The following CACNB4 variants were observed in gnomAD, a reference collection of about 807,000 sequenced individuals.
The protein encoded by CACNB4 is voltage-dependent L-type calcium channel subunit beta-4.
In CACNB4, 32 loss-of-function variants were observed where a neutral mutation model predicts 71.2. That is an observed-to-expected ratio of 0.45 (90% CI 0.34 to 0.60). The LOEUF is 0.60. Among genes scored for constraint, CACNB4 ranks in the 20% least tolerant of loss-of-function variants. The pLI is 0.01. For missense variants in CACNB4, 464 were observed against 647.9 expected, an observed-to-expected ratio of 0.72 and a Z score of 3.08; for synonymous variants, 231 against 236.9, an observed-to-expected ratio of 0.97 and a Z score of 0.23.
chr2:152,075,729 A>G (rs888214269), intron 2 of CACNB4, among the ~76,000 whole-genome samples: 7 of 152,188 alleles, frequency 4.6e-5, no homozygotes, highest in African/African-American at 7.2e-5. Context: ...CCAGAGCCCA[A>G]TAAGTCTTTG....
intron 2 of CACNB4, among the ~76,000 whole-genome samples, chr2:151,911,576 C>A (rs1366615879): frequency 6.6e-6 from 1 of 152,166 alleles, no homozygotes; most frequent in Admixed American, 6.5e-5. Context: ...ATTCAGTTTG[C>A]CAGTATTTTA....
Position 151,954,894 on chromosome 2 carries a change from T to C in CACNB4, c.148-71524A>G, listed in dbSNP as rs1371039852. On this transcript the variant is annotated intron_variant, in intron 2 of 13. Coordinates refer to ENST00000539935, the MANE Select transcript of CACNB4 (RefSeq NM_000726.5). ...TTTGAGATGGAGTCTCGCTCTGTTGTCTGGGCTGGAGTGCAGTGGGGCGAT... is the reference window on the plus strand; with the variant it reads ...TTTGAGATGGAGTCTCGCTCTGTTGCCTGGGCTGGAGTGCAGTGGGGCGAT... Among the ~76,000 whole-genome samples, 11 of 148,008 alleles carry C rather than the reference T, an allele frequency of 7.4e-5. No individual in the cohort carries two copies. In the South Asian group the frequency reaches 1.3e-3, roughly 18 times the overall value.
intron 2 of CACNB4, among the ~76,000 whole-genome samples, chr2:151,946,816 T>G (rs2099865724): frequency 6.6e-6 from 1 of 152,144 alleles, no homozygotes; most frequent in Non-Finnish European, 1.5e-5. Context: ...TTCATCAAAT[T>G]TCATACAAAT....
intron 2 of CACNB4, among the ~76,000 whole-genome samples, chr2:152,095,797 A>G (rs1391794698): frequency 1.3e-5 from 2 of 152,050 alleles, no homozygotes; most frequent in African/African-American, 4.8e-5. Flanking sequence ...GATTACAAGC[A>G]CACACCACCA....
intron 2 of CACNB4, among the ~76,000 whole-genome samples, chr2:152,045,461 C>T (rs1257262178): frequency 1.3e-5 from 2 of 152,110 alleles, no homozygotes; most frequent in Non-Finnish European, 2.9e-5. Context: ...ATATGAGCTA[C>T]CTACAGTAGT....
At chr2:152,027,972 A>C (rs977202660) in intron 2 of CACNB4, among the ~76,000 whole-genome samples, 4 of 152,042 alleles carry the variant, frequency 2.6e-5, no homozygotes, top group Admixed American at 1.3e-4. Flanking sequence ...TGTGAGTAAC[A>C]GATCTTTTTA....
intron 2 of CACNB4, among the ~76,000 whole-genome samples, chr2:151,976,909 C>T (rs932844762): frequency 6.6e-6 from 1 of 152,154 alleles, no homozygotes; most frequent in Non-Finnish European, 1.5e-5. Flanking sequence ...TTCCTAGGGC[C>T]AAATTTCACA....
intron 6 of CACNB4, chr2:151,871,400 A>G (rs2099844593): frequency 6.5e-6 from 1 of 153,030 alleles, no homozygotes; most frequent in Admixed American, 6.5e-5. Flanking sequence ...TACATTTATA[A>G]CCAGTTATTC....
At chr2:152,089,784 A>G (rs1322011251) in intron 2 of CACNB4, among the ~76,000 whole-genome samples, 1 of 151,172 alleles carries the variant, frequency 6.6e-6, no homozygotes, top group African/African-American at 2.4e-5. Flanking sequence ...GTAAAAAAAA[A>G]GAAAAAAAAA....
chr2:151,996,362 C>T (rs780317842), intron 2 of CACNB4, among the ~76,000 whole-genome samples: 17 of 151,844 alleles, frequency 1.1e-4, no homozygotes, highest in Non-Finnish European at 2.5e-4. Context: ...AGAGTGAGAC[C>T]CCCTCAAGAG....
intron 2 of CACNB4, among the ~76,000 whole-genome samples, chr2:151,956,455 T>C (rs920593353): frequency 2.0e-5 from 3 of 152,250 alleles, no homozygotes; most frequent in Non-Finnish European, 4.4e-5. Flanking sequence ...CTGTCTATTG[T>C]GTGGTTCCCA....
intron 2 of CACNB4, among the ~76,000 whole-genome samples, chr2:151,996,478 TA>T (rs58787133): frequency 0.35 from 47,586 of 136,258 alleles, 7,837 homozygotes; most frequent in Middle Eastern, 0.48. Context: ...CCCTGTCTCT[TA>T]AAAAAAAAAA....
chr2:152,028,892 T>C (rs1684114026), intron 2 of CACNB4, among the ~76,000 whole-genome samples: 1 of 152,238 alleles, frequency 6.6e-6, no homozygotes, highest in Non-Finnish European at 1.5e-5. Flanking sequence ...AGAAAGTATT[T>C]GTCCAAGAAA....
At chr2:151,915,293 AGTCTTGGGACCAAGCT>A (rs1220116800) in intron 2 of CACNB4, among the ~76,000 whole-genome samples, 3 of 152,188 alleles carry the variant, frequency 2.0e-5, no homozygotes, top group Non-Finnish European at 4.4e-5. Context: ...TGTGGGGACA[AGTCTTGGGACCAAGCT>A]GTCCAGCCTC....
At chr2:151,910,665 T>C (rs1018254013) in intron 2 of CACNB4, among the ~76,000 whole-genome samples, 1 of 152,198 alleles carries the variant, frequency 6.6e-6, no homozygotes, top group Non-Finnish European at 1.5e-5. Flanking sequence ...ATACGTCTGT[T>C]TTGGTACCAG....
At chr2:151,840,974 T>G (rs1002554418) in intron 13 of CACNB4, among the ~76,000 whole-genome samples, 3 of 152,198 alleles carry the variant, frequency 2.0e-5, no homozygotes, top group Non-Finnish European at 2.9e-5. Context: ...TCTCTACCTC[T>G]GAGTGCAATA....
chr2:151,894,224 A>T (rs148430131), intron 2 of CACNB4, among the ~76,000 whole-genome samples: 266 of 152,354 alleles, frequency 1.7e-3, no homozygotes, highest in African/African-American at 6.2e-3. Flanking sequence ...CCAACATATC[A>T]AATATCACGT....
At chr2:151,874,155 T>A (rs767851707) in intron 5 of CACNB4, 1 of 152,120 alleles carries the variant, frequency 6.6e-6, no homozygotes, top group African/African-American at 2.4e-5. Flanking sequence ...CTTTTCCTCA[T>A]AAGTTCTCCA....
At chr2:152,089,658 G>A (rs1579279036) in intron 2 of CACNB4, among the ~76,000 whole-genome samples, 1 of 152,136 alleles carries the variant, frequency 6.6e-6, no homozygotes, top group East Asian at 1.9e-4. Flanking sequence ...AAAGCCAAGC[G>A]CAGTGGCTCA....
Sources: gnomAD v4.1 joint callset for allele counts (sites outside exome capture counted in the v4.1 genomes callset) on GRCh38, gnomAD v4.1.1 for gene constraint, MANE v1.5 for transcripts, NCBI Gene and HGNC (gene_info 2026-07-23, HGNC 2026-07-21) for gene names.